Variants in NAF1 observed in about 807,000 individuals in gnomAD.
NAF1 encodes nuclear assembly factor 1 ribonucleoprotein, also known as H/ACA ribonucleoprotein complex non-core subunit NAF1.
Under a neutral mutation model 40.6 loss-of-function variants are expected in NAF1, and 11 were observed. That is an observed-to-expected ratio of 0.27 (90% CI 0.17 to 0.45). NAF1 has a LOEUF of 0.45. Ranked by LOEUF, NAF1 falls within the 20% of genes least tolerant of loss-of-function variation. NAF1 has a pLI of 1.00. For synonymous variants in NAF1, 260 were observed against 228.5 expected, an observed-to-expected ratio of 1.14 and a Z score of -1.24; for missense variants, 607 against 611.1, an observed-to-expected ratio of 0.99 and a Z score of 0.07.
At chr4:163,134,811 T>C (rs1396163469) in intron 6 of NAF1, among the ~76,000 whole-genome samples, 1 of 152,146 alleles carries the variant, frequency 6.6e-6, no homozygotes, top group Non-Finnish European at 1.5e-5. Context: ...GCTTCTTACA[T>C]GGCAAAACCA....
chr4:163,160,018 T>C (rs1732152269), intron 2 of NAF1, among the ~76,000 whole-genome samples: 3 of 152,284 alleles, frequency 2.0e-5, no homozygotes, highest in Admixed American at 1.3e-4. Context: ...CTTGATACAT[T>C]TGAATGAAGA....
At chr4:163,139,022 A>G (rs765410445) in intron 5 of NAF1, among the ~76,000 whole-genome samples, 26 of 152,120 alleles carry the variant, frequency 1.7e-4, no homozygotes, top group Non-Finnish European at 2.8e-4. Flanking sequence ...ACTTAGGCAA[A>G]ATATTCCTCC....
chr4:163,111,900 C>A (rs567025968), intron 2 of NAF1, among the ~76,000 whole-genome samples: 1 of 152,014 alleles, frequency 6.6e-6, no homozygotes, highest in Non-Finnish European at 1.5e-5. Context: ...TTATCAATCA[C>A]GCAAAAAACG....
At chr4:163,105,622 A>G (rs956945698), downstream of NAF1, among the ~76,000 whole-genome samples, 2 of 152,232 alleles carry the variant, frequency 1.3e-5, no homozygotes, top group African/African-American at 4.8e-5. Flanking sequence ...TTAAGATCAT[A>G]AAGAGTGCAT....
At chr4:163,105,274 CATGAT>C (rs1730034835), downstream of NAF1, among the ~76,000 whole-genome samples, 1 of 152,170 alleles carries the variant, frequency 6.6e-6, no homozygotes, top group African/African-American at 2.4e-5. Context: ...CAGTTTACTT[CATGAT>C]ATAATTCAGA....
chr4:163,156,854 C>T (rs548086840), intron 2 of NAF1: 63 of 152,090 alleles, frequency 4.1e-4, no homozygotes, highest in Middle Eastern at 3.4e-3. Flanking sequence ...CAACTAAAAG[C>T]CTGTTCTGGA....
downstream of NAF1, among the ~76,000 whole-genome samples, chr4:163,122,801 T>C (rs1261678688): frequency 2.0e-5 from 3 of 152,188 alleles, no homozygotes; most frequent in Admixed American, 6.5e-5. Flanking sequence ...TGTGATGACA[T>C]AGCAAGAAGG....
At chr4:163,113,681 C>G (rs982959215) in intron 2 of NAF1, among the ~76,000 whole-genome samples, 5 of 152,142 alleles carry the variant, frequency 3.3e-5, no homozygotes, top group Non-Finnish European at 5.9e-5. Context: ...GGATTTAAAG[C>G]CATGAACTCA....
chr4:163,160,777 G>C (rs1165462304), intron 2 of NAF1, among the ~76,000 whole-genome samples: 1 of 152,102 alleles, frequency 6.6e-6, no homozygotes, highest in Non-Finnish European at 1.5e-5. Flanking sequence ...TTAACTGTTT[G>C]GCACACTTTA....
chr4:163,166,186 A>G (rs1373084554), intron 1 of NAF1, among the ~76,000 whole-genome samples, 177 bp downstream of exon 1: 1 of 152,226 alleles, frequency 6.6e-6, no homozygotes, highest in African/African-American at 2.4e-5. Context: ...ACCTGCTTTG[A>G]GAGGCAGCGA....
At chr4:163,113,526 T>C (rs940993427) in intron 2 of NAF1, among the ~76,000 whole-genome samples, 2 of 152,156 alleles carry the variant, frequency 1.3e-5, no homozygotes, top group African/African-American at 4.8e-5. Flanking sequence ...ATGCTGCATT[T>C]GTAAGTTCAG....
rs558060950 is a variant in NAF1, at chr4:163,115,306, T to G, written c.115-5016A>C. ...TCACTGCAAGCTCCGCCTCCCAGGT[T>G]CACGCCATTCTCCTGCCTCAGCCTC... is the stretch of plus-strand genomic sequence containing the variant. On this transcript the variant is annotated intron_variant, in intron 2 of 2. Coordinates refer to the NAF1 transcript ENST00000509434. Among the ~76,000 whole-genome samples the G allele has an allele frequency of 3.5e-4, 52 of 150,584 alleles. 1 individual carries two copies. In the East Asian group the frequency reaches 7.9e-3, roughly 23 times the overall value.
chr4:163,137,897 G>A (rs558557969), intron 5 of NAF1, among the ~76,000 whole-genome samples: 12 of 152,248 alleles, frequency 7.9e-5, no homozygotes, highest in African/African-American at 2.9e-4. Context: ...AATTGCAGCT[G>A]AAAATCAACA....
intron 2 of NAF1, among the ~76,000 whole-genome samples, chr4:163,158,988 T>C (rs960681023): frequency 2.0e-5 from 3 of 152,116 alleles, no homozygotes; most frequent in African/African-American, 7.2e-5. Flanking sequence ...TATATGCTCA[T>C]TCTCTAGTTC....
In NAF1 at chr4:163,166,487, G is replaced by C. The variant is rs901206379; in HGVS notation, c.241C>G (p.Pro81Ala). ...GATTCAGCCGGTGGCTGTGGCTGCG[G>C]CGCCGGGGTCCCGGCCGCGACGGCG... ...LNAVAAGTPAPQPQPPAESPA... is the reference protein window; with the variant it reads ...LNAVAAGTPAAQPQPPAESPA... Residue 81 changes from proline (P) to alanine (A), a missense_variant, in exon 1 of 8, where the codon CCG becomes GCG. This residue lies in a region of NAF1 where 407 missense variants were observed against 365.5 expected (regional missense o/e 1.11). Transcript: ENST00000274054. 4 of 1,600,150 alleles carry C rather than the reference G, an allele frequency of 2.5e-6. No homozygotes were observed. The highest frequency in any genetic ancestry group is 3.4e-6 in the Non-Finnish European group (4 of 1,173,326).
intron 2 of NAF1, among the ~76,000 whole-genome samples, chr4:163,163,598 T>C (rs1732318219): frequency 6.6e-6 from 1 of 151,718 alleles, no homozygotes; most frequent in East Asian, 1.9e-4. Flanking sequence ...CCTAAGGATG[T>C]TTACAGCATA....
intron 2 of NAF1, among the ~76,000 whole-genome samples, chr4:163,156,253 G>A (rs1360337816): frequency 8.6e-6 from 1 of 116,166 alleles, no homozygotes; most frequent in Admixed American, 9.6e-5. Context: ...AGATGTAAAA[G>A]GCATACTAAT....
chr4:163,148,404 T>A lies in NAF1; in HGVS notation c.571A>T (p.Ile191Phe). The A allele has an allele frequency of 6.3e-7, 1 of 1,585,100 alleles. No individual in the cohort carries two copies. The highest frequency in any genetic ancestry group is 8.5e-7 in the Non-Finnish European group (1 of 1,170,658). Residue 191 changes from isoleucine to phenylalanine, a missense_variant, in exon 3 of 8, where the codon ATT becomes TTT. By Grantham distance (21) the Ile-to-Phe change is conservative (BLOSUM62 0). Coordinates refer to ENST00000274054, the MANE Select transcript of NAF1 (RefSeq NM_138386.3). ...ELPSVEELTI[I>F]LPEDIELKPL... ...TTTAACTCAATATCTTCAGGCAGAA[T>A]AATAGTGAGTTCTTCAACAGAAGGC...
At chr4:163,106,486 G>C (rs75820346), downstream of NAF1, among the ~76,000 whole-genome samples, 1,171 of 151,892 alleles carry the variant, frequency 7.7e-3, 21 homozygotes, top group African/African-American at 0.027. Flanking sequence ...ATCACAGCAG[G>C]GTATTTCATT....
Sources: gnomAD v4.1 joint callset for allele counts (sites outside exome capture counted in the v4.1 genomes callset) on GRCh38, gnomAD v4.1.1 for gene constraint, gnomAD v4.1.1 regional missense constraint, MANE v1.5 for transcripts, NCBI Gene and HGNC (gene_info 2026-07-23, HGNC 2026-07-21) for gene names.